Variants in PPFIA2 observed in about 807,000 individuals in gnomAD.
PPFIA2 encodes PPFI scaffold protein A2.
Under a neutral mutation model 175.5 loss-of-function variants are expected in PPFIA2, and 46 were observed. That is an observed-to-expected ratio of 0.26 (90% CI 0.21 to 0.34). The LOEUF (loss-of-function observed/expected upper bound fraction) is 0.34, where lower values mean the gene tolerates loss of function less well. PPFIA2 is among the 10% of genes least tolerant of loss of function. The pLI is 1.00. For synonymous variants in PPFIA2, 568 were observed against 511.4 expected (o/e 1.11, Z -1.49); for missense variants, 1,179 against 1,506.1 (o/e 0.78, Z 3.60).
At chr12:81,488,662 C>T (rs1446376239) in intron 4 of PPFIA2, among the ~76,000 whole-genome samples, 2 of 151,808 alleles carry the variant, frequency 1.3e-5, no homozygotes, top group Non-Finnish European at 2.9e-5. Context: ...AACTCTTCTT[C>T]ATTCTTTAGG....
At chr12:81,285,527 T>C (rs1448935504) in intron 24 of PPFIA2, among the ~76,000 whole-genome samples, 3 of 152,096 alleles carry the variant, frequency 2.0e-5, no homozygotes, top group African/African-American at 7.2e-5. Context: ...TATACAGTCA[T>C]GCACTACATA....
chr12:81,512,163 G>T, intron 4 of PPFIA2: 1 of 366,344 alleles, frequency 2.7e-6, no homozygotes, highest in Non-Finnish European at 4.8e-6. Context: ...CAGCATGTTA[G>T]CTAACAATGT....
chr12:81,490,808 C>T (rs936240562), intron 4 of PPFIA2, among the ~76,000 whole-genome samples: 5 of 151,938 alleles, frequency 3.3e-5, no homozygotes, highest in African/African-American at 1.2e-4. Flanking sequence ...TTTGCTTATA[C>T]TGGTCCCCAT....
chr12:81,319,969 T>C (rs2053296572), intron 22 of PPFIA2, among the ~76,000 whole-genome samples: 3 of 151,976 alleles, frequency 2.0e-5, no homozygotes, highest in Admixed American at 2.0e-4. Flanking sequence ...ACTTTCTGTG[T>C]ATATAGAATA....
chr12:81,714,694 AG>A (rs2078369124), intron 3 of PPFIA2, among the ~76,000 whole-genome samples: 1 of 151,050 alleles, frequency 6.6e-6, no homozygotes, highest in Non-Finnish European at 1.5e-5. Context: ...GAAGAAATAG[AG>A]GGTCTGAGTA....
intron 4 of PPFIA2, among the ~76,000 whole-genome samples, chr12:81,509,851 C>T (rs1275712994): frequency 1.3e-5 from 2 of 152,140 alleles, no homozygotes; most frequent in African/African-American, 2.4e-5. Flanking sequence ...TTGGTGAGAA[C>T]TCAACCTTGC....
At chr12:81,658,370 A>G (rs1255974822) in intron 4 of PPFIA2, among the ~76,000 whole-genome samples, 2 of 152,026 alleles carry the variant, frequency 1.3e-5, no homozygotes, top group East Asian at 3.8e-4. Flanking sequence ...TATTTTTTAT[A>G]AAGTGCTAAG....
chr12:81,615,207 C>T (rs951906778), intron 4 of PPFIA2, among the ~76,000 whole-genome samples: 1 of 152,134 alleles, frequency 6.6e-6, no homozygotes, highest in African/African-American at 2.4e-5. Flanking sequence ...CAGCTGCTCC[C>T]GTTTTTGGCC....
chr12:81,514,991 A>G (rs1354239574), intron 4 of PPFIA2, among the ~76,000 whole-genome samples: 1 of 151,858 alleles, frequency 6.6e-6, no homozygotes, highest in Non-Finnish European at 1.5e-5. Context: ...TATTATATTC[A>G]ATCTTTAAGA....
At chr12:81,295,553 A>G (rs181120397) in intron 23 of PPFIA2, among the ~76,000 whole-genome samples, 7 of 152,310 alleles carry the variant, frequency 4.6e-5, no homozygotes, top group Non-Finnish European at 2.9e-5. Flanking sequence ...ACCTTCCTAC[A>G]CCATGTGAAA....
intron 4 of PPFIA2, among the ~76,000 whole-genome samples, chr12:81,559,051 A>T: frequency 6.6e-6 from 1 of 152,218 alleles, no homozygotes; most frequent in Non-Finnish European, 1.5e-5. Flanking sequence ...AAATTAAGAA[A>T]TCTTTGAACC....
intron 4 of PPFIA2, among the ~76,000 whole-genome samples, chr12:81,508,046 C>T (rs2061363794): frequency 6.6e-6 from 1 of 152,014 alleles, no homozygotes; most frequent in South Asian, 2.1e-4. Flanking sequence ...TGCTAAGTTC[C>T]TTAGATCTCA....
intron 4 of PPFIA2, among the ~76,000 whole-genome samples, chr12:81,605,449 CAG>C: frequency 1.3e-5 from 2 of 151,744 alleles, no homozygotes; most frequent in South Asian, 4.2e-4. Context: ...GGGGAGGAAA[CAG>C]ATATTACACT....
intron 8 of PPFIA2, among the ~76,000 whole-genome samples, chr12:81,398,260 T>C (rs544439912): frequency 6.6e-6 from 1 of 152,004 alleles, no homozygotes; most frequent in Non-Finnish European, 1.5e-5. Context: ...GAAATATACT[T>C]GATTAAATGT....
intron 22 of PPFIA2, among the ~76,000 whole-genome samples, chr12:81,301,947 T>G (rs1291595472): frequency 1.3e-5 from 2 of 152,188 alleles, no homozygotes; most frequent in Non-Finnish European, 2.9e-5. Flanking sequence ...TATTTACTCC[T>G]CATTCTGTCA....
chr12:81,756,609 T>C lies in PPFIA2; in HGVS notation c.-3+1791A>G, dbSNP rs1597271661. Among the ~76,000 whole-genome samples, 3 of 152,198 alleles carry C rather than the reference T, an allele frequency of 2.0e-5. No individual in the cohort carries two copies. In the East Asian group the frequency reaches 5.8e-4, roughly 29 times the overall value. ...CCTAAGGCAGGTGAACCAGGACAAG[T>C]TACTTTACATGTTAAAACTTTAGTT... On this transcript the variant is annotated intron_variant, in intron 2 of 32. Coordinates refer to ENST00000549396, the MANE Select transcript of PPFIA2 (RefSeq NM_003625.5).
At chr12:81,645,532 A>G (rs2153523542) in intron 4 of PPFIA2, among the ~76,000 whole-genome samples, 1 of 152,362 alleles carries the variant, frequency 6.6e-6, no homozygotes, top group South Asian at 2.1e-4. Flanking sequence ...GGGAATATTG[A>G]TCCCAGGCTA....
At chr12:81,397,319 C>T (rs1393563915) in intron 8 of PPFIA2, among the ~76,000 whole-genome samples, 2 of 151,990 alleles carry the variant, frequency 1.3e-5, no homozygotes, top group Non-Finnish European at 2.9e-5. Context: ...GACTTATCAT[C>T]TGTTCTTCAG....
chr12:81,597,742 CTATTT>C (rs2059397522), intron 4 of PPFIA2, among the ~76,000 whole-genome samples: 2 of 32,250 alleles, frequency 6.2e-5, no homozygotes, highest in African/African-American at 5.1e-4. Flanking sequence ...ATTGTGTTCA[CTATTT>C]TTTTTTTTAA....
Sources: gnomAD v4.1 joint callset for allele counts (sites outside exome capture counted in the v4.1 genomes callset) on GRCh38, gnomAD v4.1.1 for gene constraint, MANE v1.5 for transcripts, NCBI Gene and HGNC (gene_info 2026-07-23, HGNC 2026-07-21) for gene names.